DYNC2I1: variants seen among roughly 807,000 people sequenced by gnomAD.
DYNC2I1 encodes dynein 2 intermediate chain 1.
A neutral mutation model predicts 133.4 loss-of-function variants in DYNC2I1; 89 were observed. The ratio of observed to expected loss-of-function variants is 0.67; its 90% CI spans 0.56 to 0.80. The LOEUF (loss-of-function observed/expected upper bound fraction) is 0.80, where lower values mean the gene tolerates loss of function less well. Among genes scored for constraint, DYNC2I1 ranks in the 30% least tolerant of loss-of-function variants. DYNC2I1 has a pLI of 0.00. For missense variants in DYNC2I1, 1,291 were observed against 1,314.5 expected (o/e 0.98, Z 0.28); for synonymous variants, 504 against 484.3 (o/e 1.04, Z -0.54).
intron 13 of DYNC2I1, 41 bp downstream of exon 13, chr7:158,913,137 A>G (rs1208390473): frequency 1.4e-6 from 2 of 1,428,264 alleles, no homozygotes; most frequent in Non-Finnish European, 1.9e-6. Flanking sequence ...GACTCTCTTT[A>G]CATTCTTTTT....
At chr7:158,884,832 C>T (rs971491404) in intron 6 of DYNC2I1, among the ~76,000 whole-genome samples, 1 of 152,014 alleles carries the variant, frequency 6.6e-6, no homozygotes, top group African/African-American at 2.4e-5. Context: ...ATATTATTAG[C>T]TTTCTTTGGC....
Position 158,856,735 on chromosome 7 carries a change from G to A in DYNC2I1, c.-1G>A. The A allele has an allele frequency of 8.1e-7, 1 of 1,234,750 alleles. No homozygotes were observed. The highest frequency in any genetic ancestry group is 1.0e-6 in the Non-Finnish European group (1 of 987,070). The allele number at this position is 1,234,750 out of a possible 1,614,324, so 76.5% of individuals were successfully genotyped here. On this transcript the variant is annotated 5_prime_UTR_variant, in exon 1 of 25. Coordinates refer to ENST00000407559, the MANE Select transcript of DYNC2I1 (RefSeq NM_018051.5). ...GCGGCCGCCCGGGCCTGCGGGAAGCGATGGAGCCCGGGAAGGTCGGTGCGG... is the reference window on the plus strand; with the variant it reads ...GCGGCCGCCCGGGCCTGCGGGAAGCAATGGAGCCCGGGAAGGTCGGTGCGG...
At chr7:158,901,283 G>A (rs1020516064) in intron 8 of DYNC2I1, among the ~76,000 whole-genome samples, 2 of 152,060 alleles carry the variant, frequency 1.3e-5, no homozygotes, top group African/African-American at 2.4e-5. Flanking sequence ...TGTTGCCCAC[G>A]CTGGTCTTCA....
intron 23 of DYNC2I1, among the ~76,000 whole-genome samples, chr7:158,939,035 T>C (rs1851062772): frequency 3.3e-5 from 5 of 152,252 alleles, no homozygotes; most frequent in South Asian, 4.2e-4. Flanking sequence ...AAAGTCAAAA[T>C]GTGAGAGGGT....
intron 14 of DYNC2I1, among the ~76,000 whole-genome samples, chr7:158,917,115 T>C (rs1196627889): frequency 1.7e-4 from 23 of 134,436 alleles, no homozygotes; most frequent in East Asian, 4.2e-4. Context: ...TTAAGGATGA[T>C]TGTGAAACCT....
intron 14 of DYNC2I1, among the ~76,000 whole-genome samples, chr7:158,915,178 GGAT>G (rs1847929176): frequency 1.3e-5 from 2 of 150,224 alleles, no homozygotes; most frequent in African/African-American, 4.9e-5. Context: ...CTGGTTGACA[GGAT>G]GATTGTGAAA....
At chr7:158,923,297 G>A (rs527906262) in intron 16 of DYNC2I1, among the ~76,000 whole-genome samples, 5 of 152,164 alleles carry the variant, frequency 3.3e-5, no homozygotes, top group South Asian at 2.1e-4. Flanking sequence ...ACAGGCTCCC[G>A]GCAGGCTTTG....
At chr7:158,933,076 A>C (rs1404063118) in intron 21 of DYNC2I1, among the ~76,000 whole-genome samples, 1 of 152,140 alleles carries the variant, frequency 6.6e-6, no homozygotes, top group Admixed American at 6.5e-5. Context: ...GGAGTCGTCA[A>C]CCAAGAGGTG....
At chr7:158,878,335 C>T (rs1449828393) in intron 4 of DYNC2I1, among the ~76,000 whole-genome samples, 48 of 133,692 alleles carry the variant, frequency 3.6e-4, no homozygotes, top group Admixed American at 6.7e-4. Context: ...ACTGTGAGTG[C>T]CGGGCACCAT....
At chr7:158,842,369 C>T in the DYNC2I1 span, among the ~76,000 whole-genome samples, 1,352 of 152,320 alleles carry the variant, frequency 8.9e-3, 18 homozygotes, top group African/African-American at 0.029. Flanking sequence ...TGACATTCAA[C>T]AAAGAGTAGG....
chr7:158,872,676 CATT>C (rs1041958492), intron 3 of DYNC2I1, among the ~76,000 whole-genome samples: 1 of 150,816 alleles, frequency 6.6e-6, no homozygotes, highest in Non-Finnish European at 1.5e-5. Flanking sequence ...ACAATTTTCT[CATT>C]ATTAGCTAGA....
At chr7:158,915,390 T>G (rs62476474) in intron 14 of DYNC2I1, among the ~76,000 whole-genome samples, 3 of 58,096 alleles carry the variant, frequency 5.2e-5, no homozygotes, top group African/African-American at 1.2e-4. Flanking sequence ...AACGTCGACA[T>G]GCTGGTTGAC....
chr7:158,869,539 T>C (rs925235272), intron 1 of DYNC2I1: 4 of 497,326 alleles, frequency 8.0e-6, no homozygotes, highest in Non-Finnish European at 1.6e-5. Context: ...ACACAAGATA[T>C]TTTAAACCCA....
intron 4 of DYNC2I1, chr7:158,956,542 T>C (rs1320800116): frequency 6.6e-6 from 1 of 152,216 alleles, no homozygotes. Context: ...AGGACGAGAG[T>C]ACTCCCATCC....
intron 20 of DYNC2I1, among the ~76,000 whole-genome samples, chr7:158,927,555 GA>G (rs1849754278): frequency 1.4e-5 from 2 of 141,438 alleles, no homozygotes; most frequent in African/African-American, 5.2e-5. Flanking sequence ...TATTCTGAAT[GA>G]ATTTTTTTTT....
intron 5 of DYNC2I1, among the ~76,000 whole-genome samples, chr7:158,881,522 C>T (rs546451952): frequency 6.6e-6 from 1 of 152,062 alleles, no homozygotes; most frequent in Non-Finnish European, 1.5e-5. Context: ...GGTGCGATCT[C>T]GGCTCACTGC....
downstream of DYNC2I1, among the ~76,000 whole-genome samples, chr7:158,957,364 A>T (rs552975087): frequency 2.0e-5 from 3 of 152,136 alleles, no homozygotes; most frequent in South Asian, 4.1e-4. Context: ...CTGCTGCCCA[A>T]CCCCTGGGAA....
chr7:158,859,461 TTGAC>T, intron 1 of DYNC2I1, among the ~76,000 whole-genome samples: 1 of 152,296 alleles, frequency 6.6e-6, no homozygotes, highest in East Asian at 1.9e-4. Flanking sequence ...TTTTTGACAT[TTGAC>T]TGTCCCTTGG....
At chr7:158,909,958 GGGAGGA>G (rs1400175299) in intron 11 of DYNC2I1, among the ~76,000 whole-genome samples, 3 of 152,170 alleles carry the variant, frequency 2.0e-5, no homozygotes, top group Non-Finnish European at 4.4e-5. Flanking sequence ...GAAGGATCGG[GGGAGGA>G]GGAGGAGCAG....
Sources: allele counts gnomAD v4.1 joint callset (sites outside exome capture counted in the v4.1 genomes callset), GRCh38; gene constraint gnomAD v4.1.1; transcripts MANE v1.5; gene names NCBI Gene and HGNC (gene_info 2026-07-23, HGNC 2026-07-21).